Variants in WDR7 observed in about 807,000 individuals in gnomAD.
WDR7 encodes WD repeat-containing protein 7.
Under a neutral mutation model 169.4 loss-of-function variants are expected in WDR7, and 46 were observed. That is an observed-to-expected ratio of 0.27 (90% CI 0.21 to 0.35). The LOEUF (loss-of-function observed/expected upper bound fraction) is 0.35, where lower values mean the gene tolerates loss of function less well. Among genes scored for constraint, WDR7 ranks in the 10% least tolerant of loss-of-function variants. The pLI is 1.00. For synonymous variants in WDR7, 612 were observed against 666.8 expected (o/e 0.92, Z 1.27); for missense variants, 1,534 against 1,859.3 (o/e 0.83, Z 3.22).
intron 20 of WDR7, among the ~76,000 whole-genome samples, chr18:56,859,054 C>T (rs1283454129): frequency 6.6e-6 from 1 of 152,090 alleles, no homozygotes; most frequent in Non-Finnish European, 1.5e-5. Flanking sequence ...TCTTTAGGTG[C>T]ACCCTTATTT....
chr18:57,034,810 CAG>C (rs903725884), downstream of WDR7: 1 of 152,032 alleles, frequency 6.6e-6, no homozygotes, highest in Non-Finnish European at 1.5e-5. Flanking sequence ...GGCTTTCTCT[CAG>C]AGAGAGAAAG....
intron 14 of WDR7, among the ~76,000 whole-genome samples, chr18:56,732,244 G>C (rs1052084880): frequency 2.6e-5 from 4 of 152,130 alleles, no homozygotes; most frequent in Non-Finnish European, 4.4e-5. Context: ...TCTAGCCACT[G>C]TTTGGTCTGT....
At chr18:56,799,718 T>G (rs1380164553) in intron 19 of WDR7, among the ~76,000 whole-genome samples, 1 of 152,198 alleles carries the variant, frequency 6.6e-6, no homozygotes, top group Non-Finnish European at 1.5e-5. Flanking sequence ...GTGACAGAAT[T>G]AAACACATTT....
chr18:56,772,846 G>A (rs2145030634), intron 16 of WDR7, among the ~76,000 whole-genome samples: 1 of 152,116 alleles, frequency 6.6e-6, no homozygotes, highest in South Asian at 2.1e-4. Flanking sequence ...AATAGCTAAT[G>A]TTTAGATTTG....
chr18:56,871,802 A>C (rs886720174), intron 20 of WDR7, among the ~76,000 whole-genome samples: 2 of 152,086 alleles, frequency 1.3e-5, no homozygotes, highest in African/African-American at 4.8e-5. Context: ...AAAAATCCTA[A>C]TGACATGTTT....
chr18:56,895,315 T>C (rs998947368), intron 21 of WDR7, among the ~76,000 whole-genome samples: 2 of 151,822 alleles, frequency 1.3e-5, no homozygotes, highest in African/African-American at 4.8e-5. Flanking sequence ...TTCTAACTAG[T>C]AAGACCATAA....
At chr18:56,719,112 T>G (rs1464211854) in intron 13 of WDR7, among the ~76,000 whole-genome samples, 2 of 152,224 alleles carry the variant, frequency 1.3e-5, no homozygotes, top group African/African-American at 4.8e-5. Context: ...TTCTTTCTCT[T>G]GTCTCTCATT....
chr18:56,779,370 C>A, intron 17 of WDR7, 61 bp from the exon 18 acceptor site: 1 of 1,330,410 alleles, frequency 7.5e-7, no homozygotes, highest in Non-Finnish European at 1.0e-6. Context: ...ACATAAAGAA[C>A]TGTTGACTTA....
At chr18:56,840,457 A>G (rs1763817453) in intron 20 of WDR7, among the ~76,000 whole-genome samples, 1 of 152,222 alleles carries the variant, frequency 6.6e-6, no homozygotes, top group African/African-American at 2.4e-5. Context: ...TTAAAATAAT[A>G]TCAAACTAAG....
chr18:57,016,596 C>G (rs1193824654), intron 26 of WDR7, among the ~76,000 whole-genome samples: 1 of 152,200 alleles, frequency 6.6e-6, no homozygotes, highest in Non-Finnish European at 1.5e-5. Context: ...AAAGTCATGG[C>G]TTTTATTGAC....
chr18:57,020,746 C>G lies in WDR7; in HGVS notation c.4166C>G (p.Thr1389Arg). Residue 1389 changes from threonine (T) to arginine (R), a missense_variant and splice_region_variant, in exon 27 of 28, where the codon ACA (threonine) becomes AGA (arginine). Coordinates refer to ENST00000254442, the MANE Select transcript of WDR7 (RefSeq NM_015285.3). ...LYDIRTGKCQ[T>R]IHGHKGPITA... The stretch of plus-strand genomic sequence containing the variant: ...CATGATATCTGAATTTTATTTTAGA[C>G]AATCCATGGACACAAGGGACCAATC... 1 of 1,613,600 alleles carries G rather than the reference C, an allele frequency of 6.2e-7. No individual in the cohort carries two copies. The highest frequency in any genetic ancestry group is 8.5e-7 in the Non-Finnish European group (1 of 1,179,782).
At chr18:56,921,507 A>C (rs1480469599) in intron 21 of WDR7, among the ~76,000 whole-genome samples, 4 of 152,160 alleles carry the variant, frequency 2.6e-5, no homozygotes, top group Admixed American at 1.3e-4. Flanking sequence ...CGTTGAGTGA[A>C]ATAGAACATG....
At chr18:56,915,742 G>C (rs547631974) in intron 21 of WDR7, among the ~76,000 whole-genome samples, 133 of 152,284 alleles carry the variant, frequency 8.7e-4, no homozygotes, top group Middle Eastern at 3.4e-3. Flanking sequence ...CTCTGGTTTT[G>C]TAATAATTCT....
chr18:56,807,051 T>C (rs1489360957), intron 19 of WDR7, among the ~76,000 whole-genome samples: 1 of 151,734 alleles, frequency 6.6e-6, no homozygotes, highest in African/African-American at 2.4e-5. Context: ...AGCAGCTTGC[T>C]GTTATAAATA....
intron 12 of WDR7, among the ~76,000 whole-genome samples, chr18:56,714,672 C>A (rs1244027565): frequency 1.3e-5 from 2 of 152,046 alleles, no homozygotes; most frequent in Non-Finnish European, 2.9e-5. Flanking sequence ...CCTCGACCTC[C>A]CAAAGTGCTG....
chr18:56,732,518 A>T (rs1450024126), intron 14 of WDR7, among the ~76,000 whole-genome samples: 26 of 152,204 alleles, frequency 1.7e-4, no homozygotes, highest in Admixed American at 1.3e-3. Flanking sequence ...ATTAACCATG[A>T]GTTCGTGCGT....
At position 56,969,571 on chromosome 18, in the gene WDR7, C is replaced by A. The variant is rs79171709; in HGVS notation, c.4164+7042C>A. Among the ~76,000 whole-genome samples, 103 of 152,156 alleles carry A rather than the reference C, an allele frequency of 6.8e-4. 1 individual carries two copies. Among genetic ancestry groups the A allele is most frequent in the African/African-American group, 2.4e-3 (98 of 41,504 alleles). ...TTTATATTATATTGAAATGTCTCAC[C>A]GAGTAAATACAGTTACTCTATACTA... On this transcript the variant is annotated intron_variant, in intron 26 of 27. Coordinates refer to ENST00000254442, the MANE Select transcript of WDR7 (RefSeq NM_015285.3).
At chr18:56,834,576 T>C (rs759486782) in intron 20 of WDR7, among the ~76,000 whole-genome samples, 1 of 152,078 alleles carries the variant, frequency 6.6e-6, no homozygotes, top group Non-Finnish European at 1.5e-5. Flanking sequence ...CATTTGTATG[T>C]ACTATGTTTT....
At chr18:56,785,090 A>T (rs2044377666) in intron 19 of WDR7, among the ~76,000 whole-genome samples, 1 of 152,132 alleles carries the variant, frequency 6.6e-6, no homozygotes, top group African/African-American at 2.4e-5. Flanking sequence ...GTGTCAGGCT[A>T]AGGGAGTAGG....
Sources: allele counts gnomAD v4.1 joint callset (sites outside exome capture counted in the v4.1 genomes callset), GRCh38; gene constraint gnomAD v4.1.1; transcripts MANE v1.5; gene names NCBI Gene and HGNC (gene_info 2026-07-23, HGNC 2026-07-21).